DLG2: variants seen among roughly 807,000 people sequenced by gnomAD.
The protein encoded by DLG2 is discs large MAGUK scaffold protein 2.
DLG2 carries 45 observed loss-of-function variants against 132.5 expected under a neutral mutation model. That is an observed-to-expected ratio of 0.34 (90% CI 0.27 to 0.44). The LOEUF is 0.44. Among genes scored for constraint, DLG2 ranks in the 20% least tolerant of loss-of-function variants. The pLI is 1.00. For missense variants in DLG2, 1,045 were observed against 1,196.9 expected (o/e 0.87, Z 1.87); for synonymous variants, 424 against 419.6 (o/e 1.01, Z -0.13).
At chr11:84,554,578 C>T (rs1222796048) in intron 6 of DLG2, among the ~76,000 whole-genome samples, 2 of 152,056 alleles carry the variant, frequency 1.3e-5, no homozygotes, top group African/African-American at 2.4e-5. Flanking sequence ...GAAATCCCGT[C>T]TCTTCTAAAT....
chr11:84,503,040 T>C (rs2099226296), intron 7 of DLG2, among the ~76,000 whole-genome samples: 1 of 152,190 alleles, frequency 6.6e-6, no homozygotes, highest in Non-Finnish European at 1.5e-5. Flanking sequence ...TCTCTTGTAA[T>C]ACATTCTAAA....
chr11:83,928,306 A>T (rs549099449), intron 15 of DLG2, among the ~76,000 whole-genome samples: 10 of 152,232 alleles, frequency 6.6e-5, no homozygotes, highest in Non-Finnish European at 1.2e-4. Context: ...TGAAAAATAA[A>T]TAACTATGGT....
chr11:84,422,149 T>G (rs933861522), intron 7 of DLG2, among the ~76,000 whole-genome samples: 9 of 152,206 alleles, frequency 5.9e-5, no homozygotes, highest in Admixed American at 2.6e-4. Flanking sequence ...TTTAGATACT[T>G]AAATGAGAAT....
intron 6 of DLG2, among the ~76,000 whole-genome samples, chr11:84,614,802 C>T (rs1460182493): frequency 2.0e-5 from 3 of 152,016 alleles, no homozygotes; most frequent in African/African-American, 7.2e-5. Flanking sequence ...TCATGATTAC[C>T]GTTATTTTGT....
chr11:84,606,411 T>C (rs193005163), intron 6 of DLG2, among the ~76,000 whole-genome samples: 1 of 152,218 alleles, frequency 6.6e-6, no homozygotes, highest in East Asian at 1.9e-4. Context: ...AAAATATAAA[T>C]TATAATTGTC....
intron 11 of DLG2, among the ~76,000 whole-genome samples, chr11:84,041,683 T>A (rs2096084873): frequency 6.6e-6 from 1 of 151,986 alleles, no homozygotes; most frequent in Non-Finnish European, 1.5e-5. Flanking sequence ...TTTACCCAAT[T>A]TCCTTTATAG....
chr11:83,896,106 A>G (rs1220713599), intron 15 of DLG2, among the ~76,000 whole-genome samples: 1 of 152,332 alleles, frequency 6.6e-6, no homozygotes, highest in Non-Finnish European at 1.5e-5. Context: ...TATACCCTCT[A>G]TTATACCACA....
At position 84,581,907 on chromosome 11, in the gene DLG2, A is replaced by G. The variant is rs539515180; in HGVS notation, c.358-47176T>C. ...GGCGACACAGTGAGACTTGGTCTCA[A>G]AAACCAAAAAAAAAAAAAAAAAAAG... On this transcript the variant is annotated intron_variant, in intron 6 of 27. Coordinates refer to ENST00000376104, the MANE Select transcript of DLG2 (RefSeq NM_001142699.3). Among the ~76,000 whole-genome samples the G allele has an allele frequency of 9.4e-5, 14 of 149,046 alleles. No homozygotes were observed. In the East Asian group the frequency reaches 2.5e-3, roughly 27 times the overall value.
intron 19 of DLG2, among the ~76,000 whole-genome samples, chr11:83,556,343 A>C (rs1219445824): frequency 6.6e-6 from 1 of 151,742 alleles, no homozygotes; most frequent in Non-Finnish European, 1.5e-5. Context: ...TTTCTATTTG[A>C]TATATACATA....
intron 6 of DLG2, among the ~76,000 whole-genome samples, chr11:85,008,107 A>G (rs1413014436): frequency 3.3e-5 from 5 of 152,212 alleles, no homozygotes; most frequent in African/African-American, 1.2e-4. Flanking sequence ...TTATATAAAT[A>G]GCATTACATT....
At chr11:84,121,816 C>T (rs1484821110) in intron 9 of DLG2, among the ~76,000 whole-genome samples, 1 of 151,616 alleles carries the variant, frequency 6.6e-6, no homozygotes, top group South Asian at 2.1e-4. Flanking sequence ...CCGCCTCAGC[C>T]TCCCAAAGTG....
At chr11:84,178,535 G>A (rs1311871288) in intron 8 of DLG2, among the ~76,000 whole-genome samples, 1 of 152,084 alleles carries the variant, frequency 6.6e-6, no homozygotes, top group African/African-American at 2.4e-5. Flanking sequence ...AGGCCTATTC[G>A]AAAATAAAAT....
chr11:85,623,364 GCA>G (rs1240016863), intron 2 of DLG2, among the ~76,000 whole-genome samples: 2 of 151,980 alleles, frequency 1.3e-5, no homozygotes, highest in African/African-American at 4.8e-5. Context: ...GAGTGCAGCG[GCA>G]CAGTCTTACC....
intron 6 of DLG2, among the ~76,000 whole-genome samples, chr11:84,994,939 TG>T (rs1000941816): frequency 1.3e-5 from 2 of 152,144 alleles, no homozygotes; most frequent in African/African-American, 4.8e-5. Context: ...TCTGGAGTCT[TG>T]GGGTGTGTGT....
At chr11:83,687,992 C>T (rs1282011243) in intron 18 of DLG2, among the ~76,000 whole-genome samples, 1 of 147,148 alleles carries the variant, frequency 6.8e-6, no homozygotes, top group Admixed American at 6.9e-5. Flanking sequence ...GCCTGGGTGA[C>T]AGAGCAAGGC....
At chr11:84,875,783 C>A (rs552449515) in intron 6 of DLG2, among the ~76,000 whole-genome samples, 3 of 152,080 alleles carry the variant, frequency 2.0e-5, no homozygotes, top group Non-Finnish European at 4.4e-5. Context: ...GTCGCCCAGG[C>A]TGGAGTACAG....
Position 84,918,230 on chromosome 11 carries a change from G to A in DLG2, c.357+193431C>T, listed in dbSNP as rs867713297. Reference sequence around the variant, plus strand: ...TTCAAAATTCTTAAAATTTAGTTGGGGTGAGGGCAATACCCAAACATAAGC... The same window carrying A: ...TTCAAAATTCTTAAAATTTAGTTGGAGTGAGGGCAATACCCAAACATAAGC... On this transcript the variant is annotated intron_variant, in intron 6 of 27. Coordinates refer to ENST00000376104, the MANE Select transcript of DLG2 (RefSeq NM_001142699.3). Among the ~76,000 whole-genome samples the A allele has an allele frequency of 1.1e-4, 16 of 152,054 alleles. No individual in the cohort carries two copies. In the South Asian group the frequency reaches 3.3e-3, roughly 32 times the overall value.
At chr11:83,696,597 C>T (rs549002231) in intron 18 of DLG2, among the ~76,000 whole-genome samples, 2 of 152,204 alleles carry the variant, frequency 1.3e-5, no homozygotes, top group East Asian at 3.9e-4. Context: ...ACTGATGATA[C>T]ATTAAGTACA....
At chr11:84,365,602 T>C (rs2098677515) in intron 7 of DLG2, among the ~76,000 whole-genome samples, 1 of 152,022 alleles carries the variant, frequency 6.6e-6, no homozygotes, top group Non-Finnish European at 1.5e-5. Flanking sequence ...AATTGTGATG[T>C]TAGGGTGTCA....
Sources: allele counts gnomAD v4.1 joint callset (sites outside exome capture counted in the v4.1 genomes callset), GRCh38; gene constraint gnomAD v4.1.1; transcripts MANE v1.5; gene names NCBI Gene and HGNC (gene_info 2026-07-23, HGNC 2026-07-21).